The following TDRD12 variants were observed in gnomAD, a reference collection of about 807,000 sequenced individuals.
TDRD12 encodes putative ATP-dependent RNA helicase TDRD12.
Under a neutral mutation model 133.5 loss-of-function variants are expected in TDRD12, and 158 were observed. That is an observed-to-expected ratio of 1.18 (90% CI 1.04 to 1.35). The LOEUF (loss-of-function observed/expected upper bound fraction) is 1.35, where lower values mean the gene tolerates loss of function less well. Among genes scored for constraint, TDRD12 ranks in the 40% most tolerant of loss-of-function variants. The probability of loss-of-function intolerance (pLI) is 0.00; values close to 1 mark genes in which losing one functional copy is unlikely to be tolerated. For synonymous variants in TDRD12, 460 were observed against 477.9 expected (o/e 0.96, Z 0.49); for missense variants, 1,443 against 1,321.3 (o/e 1.09, Z -1.43).
At chr19:32,724,645 T>G (rs1393895046) in intron 1 of TDRD12, among the ~76,000 whole-genome samples, 1 of 152,198 alleles carries the variant, frequency 6.6e-6, no homozygotes, top group Non-Finnish European at 1.5e-5. Context: ...TTGGGTTGAT[T>G]CCATGTCTTT....
At chr19:32,722,502 A>G (rs1161278192) in intron 1 of TDRD12, among the ~76,000 whole-genome samples, 2 of 152,040 alleles carry the variant, frequency 1.3e-5, no homozygotes, top group African/African-American at 4.8e-5. Flanking sequence ...GTTAGCTTTT[A>G]CAAGGATGAA....
Position 32,807,571 on chromosome 19 carries a change from C to T in TDRD12, c.2575C>T (p.Arg859Ter), listed in dbSNP as rs758429459. Residue 859 changes from arginine (R) to a stop codon, truncating the protein, a stop_gained, in exon 22 of 28, where the codon CGA (arginine) becomes TGA (stop). Coordinates refer to ENST00000444215, the Ensembl canonical transcript of TDRD12. LOFTEE classifies it high-confidence loss of function. Reference sequence around the variant, plus strand: ...CAGAGACAAAAGGATCTGTCCTGACCGACACCGTATTAATCCAGAAACGGA... The same window carrying T: ...CAGAGACAAAAGGATCTGTCCTGACTGACACCGTATTAATCCAGAAACGGA... The T allele has an allele frequency of 7.8e-6, 12 of 1,534,256 alleles. No homozygotes were observed. Among genetic ancestry groups the T allele is most frequent in the African/African-American group, 6.9e-5 (5 of 72,966 alleles).
Position 32,814,381 on chromosome 19 carries a change from TACTTACCAGATTTA to T in TDRD12, c.3141+608_3141+621del, listed in dbSNP as rs199684350. On this transcript the variant is annotated intron_variant, in intron 25 of 27. Transcript: ENST00000444215. ...TATTAGACTTAAATCTTACTATGAA[TACTTACCAGATTTA>T]ACAGAGTCAATTTATAAAAACTTTT... is the stretch of plus-strand genomic sequence containing the variant. Among the ~76,000 whole-genome samples, 1,199 of 152,334 alleles carry T rather than the reference TACTTACCAGATTTA, an allele frequency of 7.9e-3. 16 individuals carry two copies. Among genetic ancestry groups the T allele is most frequent in the African/African-American group, 0.027 (1,135 of 41,568 alleles).
intron 11 of TDRD12, among the ~76,000 whole-genome samples, chr19:32,788,197 A>G (rs1474605460): frequency 6.6e-6 from 1 of 151,182 alleles, no homozygotes; most frequent in Non-Finnish European, 1.5e-5. Flanking sequence ...ATGTCGGCTC[A>G]CTGCAGCTTC....
exon 10 of TDRD12, chr19:32,827,255 A>T (rs1967620755): frequency 1.6e-6 from 2 of 1,231,836 alleles, no homozygotes; most frequent in African/African-American, 1.6e-5. Flanking sequence ...AGAGTGAAAG[A>T]GAAGGTGAAT....
intron 4 of TDRD12, among the ~76,000 whole-genome samples, chr19:32,747,023 TGA>T (rs34256598): frequency 1.7e-5 from 2 of 117,788 alleles, no homozygotes; most frequent in Admixed American, 8.3e-5. Context: ...GGTTATTCTG[TGA>T]GAGAGGAGGG....
chr19:32,784,730 A>G (rs1294443167), intron 11 of TDRD12, among the ~76,000 whole-genome samples: 1 of 152,212 alleles, frequency 6.6e-6, no homozygotes, highest in Non-Finnish European at 1.5e-5. Context: ...GTATGTGTCC[A>G]GGAGTTTATC....
At chr19:32,807,959 C>A (rs1966883931) in intron 22 of TDRD12, among the ~76,000 whole-genome samples, 1 of 152,086 alleles carries the variant, frequency 6.6e-6, no homozygotes, top group African/African-American at 2.4e-5. Flanking sequence ...CACAGTGGCT[C>A]ACACCTGTAA....
downstream of TDRD12, among the ~76,000 whole-genome samples, chr19:32,822,513 C>A (rs1355784645): frequency 6.6e-6 from 1 of 152,120 alleles, no homozygotes; most frequent in Non-Finnish European, 1.5e-5. Flanking sequence ...TTTGGGAGGC[C>A]AGGACGGGCA....
intron 25 of TDRD12, among the ~76,000 whole-genome samples, chr19:32,814,782 C>T (rs1159298696): frequency 6.6e-6 from 1 of 152,140 alleles, no homozygotes; most frequent in Non-Finnish European, 1.5e-5. Context: ...CCATTTTGAG[C>T]AGAGAGAGGC....
chr19:32,729,499 G>A (rs59446157), intron 1 of TDRD12, among the ~76,000 whole-genome samples: 11 of 151,518 alleles, frequency 7.3e-5, no homozygotes, highest in African/African-American at 1.5e-4. Flanking sequence ...TTACAGGCAT[G>A]AGCCACCGTG....
chr19:32,759,384 C>G (rs1007364902), intron 8 of TDRD12, among the ~76,000 whole-genome samples: 2 of 151,724 alleles, frequency 1.3e-5, no homozygotes, highest in East Asian at 3.9e-4. Context: ...CTAGAAGGCC[C>G]CTGGAGTTCT....
At chr19:32,752,297 A>G (rs541040751) in intron 6 of TDRD12, among the ~76,000 whole-genome samples, 1 of 152,258 alleles carries the variant, frequency 6.6e-6, no homozygotes, top group Non-Finnish European at 1.5e-5. Flanking sequence ...CTTCTGCCTC[A>G]GCCCCCTGAG....
At chr19:32,797,700 T>C (rs1971270294) in intron 14 of TDRD12, 35 bp from the exon 15 acceptor site, 3 of 627,050 alleles carry the variant, frequency 4.8e-6, no homozygotes, top group Middle Eastern at 2.5e-4. Context: ...TCCTAACTAC[T>C]GTCTGGAGTC....
intron 8 of TDRD12, among the ~76,000 whole-genome samples, chr19:32,758,500 G>A (rs908911745): frequency 1.3e-5 from 2 of 152,136 alleles, no homozygotes; most frequent in African/African-American, 4.8e-5. Flanking sequence ...GAGACTTGTA[G>A]CTAGGCTTTA....
At chr19:32,797,074 G>A (rs995928942) in intron 14 of TDRD12, among the ~76,000 whole-genome samples, 3 of 149,764 alleles carry the variant, frequency 2.0e-5, no homozygotes, top group Non-Finnish European at 4.4e-5. Context: ...TCTGCCTCCC[G>A]GGTTCAAGCA....
At chr19:32,790,571 G>A (rs1290242641) in exon 12 of TDRD12, 7 of 1,551,754 alleles carry the variant, frequency 4.5e-6, no homozygotes, top group African/African-American at 2.7e-5. Flanking sequence ...GAGAGCTGAC[G>A]GAATCTCTGA....
At chr19:32,807,267 TAAAAAAAAAAAAAAA>T (rs59421213) in intron 21 of TDRD12, among the ~76,000 whole-genome samples, 9 of 47,208 alleles carry the variant, frequency 1.9e-4, no homozygotes, top group African/African-American at 3.8e-4. Context: ...ACCAAACTCT[TAAAAAAAAAAAAAAA>T]AAAAAAAAAA....
chr19:32,786,775 A>G (rs774230854), intron 11 of TDRD12, among the ~76,000 whole-genome samples: 13 of 152,164 alleles, frequency 8.5e-5, no homozygotes, highest in Non-Finnish European at 1.6e-4. Flanking sequence ...CAGCTCCATC[A>G]GGTCATTTAA....
Sources: allele counts gnomAD v4.1 joint callset (sites outside exome capture counted in the v4.1 genomes callset), GRCh38; gene constraint gnomAD v4.1.1; transcripts MANE v1.5; gene names NCBI Gene and HGNC (gene_info 2026-07-23, HGNC 2026-07-21).